The following CSAD variants were observed in gnomAD, a reference collection of about 807,000 sequenced individuals.
CSAD encodes the protein P-selectin cytoplasmic tail-associated protein.
Under a neutral mutation model 61.5 loss-of-function variants are expected in CSAD, and 47 were observed. That is an observed-to-expected ratio of 0.76 (90% CI 0.60 to 0.97). The LOEUF is 0.97. Among genes scored for constraint, CSAD ranks in the 50% least tolerant of loss-of-function variants. The pLI is 0.00. For synonymous variants in CSAD, 245 were observed against 252.7 expected, an observed-to-expected ratio of 0.97 and a Z score of 0.29; for missense variants, 611 against 643.6, an observed-to-expected ratio of 0.95 and a Z score of 0.55.
intron 1 of CSAD, chr12:53,179,975 T>C (rs1212573714): frequency 1.3e-6 from 2 of 1,511,714 alleles, no homozygotes; most frequent in East Asian, 2.3e-5. Flanking sequence ...GTCAGGGTCT[T>C]TTCCACGTGT....
chr12:53,180,752 C>G lies in CSAD; in HGVS notation c.-111G>C. 4 of 1,266,226 alleles carry G rather than the reference C, an allele frequency of 3.2e-6. No homozygotes were observed. The highest frequency in any genetic ancestry group is 3.1e-6 in the Non-Finnish European group (3 of 978,194). The allele number at this position is 1,266,226 out of a possible 1,614,324, so 78.4% of individuals were successfully genotyped here. A position where few individuals can be genotyped will look rare whatever the true frequency, so the allele number is the denominator to read the frequency against. ...CTTGCCTCGGTCCCGGTGGGGGCAG[C>G]CGCGGCGGTGGGGTTGGCAGGGTGT... is the stretch of plus-strand genomic sequence containing the variant. On this transcript the variant is annotated 5_prime_UTR_variant, in exon 1 of 17. Coordinates refer to ENST00000444623, the MANE Select transcript of CSAD (RefSeq NM_001244705.2).
chr12:53,172,664 G>T lies in CSAD; in HGVS notation c.127-16C>A. On this transcript the variant is annotated splice_polypyrimidine_tract_variant and intron_variant, in intron 4 of 16. Coordinates refer to ENST00000444623, the MANE Select transcript of CSAD (RefSeq NM_001244705.2). ...ACTCACAGACCTAGGAAGAGAGCCG[G>T]GGATGCTGGGGGCCTGGGATGCCTG... is the stretch of plus-strand genomic sequence containing the variant. 6.3e-7 allele frequency: 1 copy of T among 1,597,118 alleles called. No homozygotes were observed. Among genetic ancestry groups the T allele is most frequent in the South Asian group, 1.1e-5 (1 of 89,190 alleles).
At chr12:53,169,959 G>T in intron 10 of CSAD, 113 bp downstream of exon 10, 1 of 907,214 alleles carries the variant, frequency 1.1e-6, no homozygotes, top group Non-Finnish European at 1.8e-6. Flanking sequence ...CAGCCCACAG[G>T]GGAGATGGGC....
At chr12:53,159,499 T>A in intron 16 of CSAD, 124 bp downstream of exon 16, 1 of 738,228 alleles carries the variant, frequency 1.4e-6, no homozygotes, top group Non-Finnish European at 2.3e-6. Context: ...AAAGAGAGCA[T>A]CCACGCCTCA....
chr12:53,170,342 T>C, intron 9 of CSAD, 81 bp downstream of exon 9: 1 of 1,295,174 alleles, frequency 7.7e-7, no homozygotes, highest in East Asian at 2.3e-5. Context: ...GCGGTAAGGG[T>C]CTGATGCCAG....
At chr12:53,165,677 A>C (rs1271982222) in intron 10 of CSAD, among the ~76,000 whole-genome samples, 2 of 151,808 alleles carry the variant, frequency 1.3e-5, no homozygotes, top group Non-Finnish European at 2.9e-5. Context: ...AAAAAAAAAA[A>C]AAAAGAAGAA....
chr12:53,170,001 G>T, intron 10 of CSAD, 71 bp downstream of exon 10: 1 of 1,355,442 alleles, frequency 7.4e-7, no homozygotes, highest in Non-Finnish European at 1.1e-6. Context: ...GATGCCTTGA[G>T]AAAGGAGAGC....
chr12:53,175,299 T>C (rs185055708), intron 2 of CSAD, among the ~76,000 whole-genome samples: 4 of 152,240 alleles, frequency 2.6e-5, no homozygotes, highest in Non-Finnish European at 4.4e-5. Flanking sequence ...GCAATGCTAT[T>C]TGAATAAGTG....
chr12:53,165,532 G>A (rs191263323), intron 10 of CSAD, among the ~76,000 whole-genome samples: 7 of 151,456 alleles, frequency 4.6e-5, no homozygotes, highest in Non-Finnish European at 8.8e-5. Flanking sequence ...GCGTGGTGGC[G>A]GGAGCCTGTA....
In CSAD at chr12:53,159,643, A is replaced by T. The variant is rs772329246; in HGVS notation, c.1288T>A (p.Tyr430Asn). The change falls in exon 16 of 17, where the codon TAC becomes AAC. Residue 430 changes from tyrosine (Y) to asparagine (N), a missense_variant. Coordinates refer to ENST00000444623, the MANE Select transcript of CSAD (RefSeq NM_001244705.2). Reference sequence around the variant, plus strand: ...CCTACCTTTGACAGCCTTTCGTGGTAATCTGGACTCTCCTGCTTCCCTCGC... The same window carrying T: ...CCTACCTTTGACAGCCTTTCGTGGTTATCTGGACTCTCCTGCTTCCCTCGC... ...SLRGKQESPD[Y>N]HERLSKVAPV... is the part of the protein sequence containing the mutation. 6.2e-7 allele frequency: 1 copy of T among 1,611,576 alleles called. No homozygotes were observed. Among genetic ancestry groups the T allele is most frequent in the Non-Finnish European group, 8.5e-7 (1 of 1,179,044 alleles).
chr12:53,160,163 G>C lies in CSAD; in HGVS notation c.1123C>G (p.Gln375Glu). ...TGGTCGATGCGCCGCTCCAGCCCTTGATCGCCCTGTGCCTTCCACATGAGC... is the reference window on the plus strand; with the variant it reads ...TGGTCGATGCGCCGCTCCAGCCCTTCATCGCCCTGTGCCTTCCACATGAGC... ...LWLMWKAQGD[Q>E]GLERRIDQAF... is the part of the protein sequence containing the mutation. The change falls in exon 14 of 17, where the codon CAA (glutamine) becomes GAA (glutamate). Residue 375 changes from glutamine (Q) to glutamate (E), a missense_variant. Coordinates refer to ENST00000444623, the MANE Select transcript of CSAD (RefSeq NM_001244705.2). 2 of 1,613,970 alleles carry C rather than the reference G, an allele frequency of 1.2e-6. No homozygotes were observed. The highest frequency in any genetic ancestry group is 2.2e-5 in the South Asian group (2 of 91,086).
intron 2 of CSAD, chr12:53,174,070 C>T (rs7963745): frequency 1.5e-5 from 5 of 342,120 alleles, no homozygotes; most frequent in Middle Eastern, 9.4e-4. Flanking sequence ...TTTGGGAGGC[C>T]GAGGCGGGCG....
At position 53,160,195 on chromosome 12, in the gene CSAD, T is replaced by C. The variant is rs1278675072; in HGVS notation, c.1091A>G (p.Lys364Arg). ...CTGTGCCTTCCACATGAGCCACAGCTTCAGACAGTCCACACGGCGGCCACA... is the reference window on the plus strand; with the variant it reads ...CTGTGCCTTCCACATGAGCCACAGCCTCAGACAGTCCACACGGCGGCCACA... ...VQCGRRVDCL[K>R]LWLMWKAQGD... The change falls in exon 14 of 17, where the codon AAG (lysine) becomes AGG (arginine). Residue 364 changes from lysine (K) to arginine (R), a missense_variant. Transcript: ENST00000444623. The C allele has an allele frequency of 6.2e-7, 1 of 1,614,062 alleles. No individual in the cohort carries two copies. Among genetic ancestry groups the C allele is most frequent in the East Asian group, 2.2e-5 (1 of 44,894 alleles).
chr12:53,170,454 C>A lies in CSAD; in HGVS notation c.616G>T (p.Asp206Tyr). 6.2e-7 allele frequency: 1 copy of A among 1,614,118 alleles called. No homozygotes were observed. The highest frequency in any genetic ancestry group is 8.5e-7 in the Non-Finnish European group (1 of 1,180,028). The change falls in exon 9 of 17, where the codon GAC becomes TAC. Residue 206 changes from aspartate (D) to tyrosine (Y), a missense_variant. Coordinates refer to ENST00000444623, the MANE Select transcript of CSAD (RefSeq NM_001244705.2). ...KGAAFLGLGT[D>Y]SVRVVKADER... ...TCAGCCTTGACCACTCGGACACTGT[C>A]GGTGCCAAGTCCCAGAAACGCAGCT...
intron 2 of CSAD, among the ~76,000 whole-genome samples, chr12:53,176,490 C>T (rs1329670319): frequency 2.0e-5 from 3 of 151,776 alleles, no homozygotes; most frequent in Non-Finnish European, 4.4e-5. Context: ...GAGGCCAGGG[C>T]GGGTGGATCA....
At chr12:53,175,921 A>T (rs1941071067) in intron 2 of CSAD, among the ~76,000 whole-genome samples, 1 of 152,196 alleles carries the variant, frequency 6.6e-6, no homozygotes, top group South Asian at 2.1e-4. Context: ...AGGTGAACTA[A>T]TTGTCCAAAA....
intron 10 of CSAD, among the ~76,000 whole-genome samples, chr12:53,162,281 A>G (rs993296231): frequency 6.6e-6 from 1 of 151,896 alleles, no homozygotes; most frequent in Non-Finnish European, 1.5e-5. Context: ...TCAAAAATAA[A>G]TAAATAGGCT....
At chr12:53,171,115 C>T (rs912834382) in intron 8 of CSAD, 1 of 714,580 alleles carries the variant, frequency 1.4e-6, no homozygotes, top group Non-Finnish European at 2.5e-6. Context: ...GTGTCCACTG[C>T]ACTCACGGCC....
chr12:53,159,773 C>G, intron 15 of CSAD, 61 bp from the exon 16 acceptor site: 1 of 1,530,210 alleles, frequency 6.5e-7, no homozygotes, highest in Non-Finnish European at 8.9e-7. Flanking sequence ...TTCCCTCTCC[C>G]TGCCCCTTTC....
Sources: gnomAD v4.1 joint callset for allele counts (sites outside exome capture counted in the v4.1 genomes callset) on GRCh38, gnomAD v4.1.1 for gene constraint, MANE v1.5 for transcripts, NCBI Gene and HGNC (gene_info 2026-07-23, HGNC 2026-07-21) for gene names.